LHX8: variants seen among roughly 807,000 people sequenced by gnomAD.
LHX8 encodes LIM/homeobox protein Lhx8.
LHX8 carries 12 observed loss-of-function variants against 40.3 expected under a neutral mutation model. The ratio of observed to expected loss-of-function variants is 0.30; its 90% confidence interval spans 0.19 to 0.48. LHX8 has a LOEUF of 0.48. Ranked by LOEUF, LHX8 falls within the 20% of genes least tolerant of loss-of-function variation. LHX8 has a pLI of 0.99. For synonymous variants in LHX8, 179 were observed against 162.0 expected (o/e 1.10, Z -0.80); for missense variants, 344 against 433.7 (o/e 0.79, Z 1.84).
chr1:75,183,472 T>C, the LHX8 span, among the ~76,000 whole-genome samples: 14 of 148,690 alleles, frequency 9.4e-5, no homozygotes, highest in East Asian at 2.7e-3. Flanking sequence ...AGAGCCTATA[T>C]AATGTTCTTA....
the LHX8 span, among the ~76,000 whole-genome samples, chr1:75,194,257 G>A: frequency 1.3e-5 from 2 of 152,116 alleles, no homozygotes; most frequent in Non-Finnish European, 2.9e-5. Flanking sequence ...CATGATGAGG[G>A]CAGTGGCAGG....
chr1:75,145,811 A>C (rs1202804523), intron 6 of LHX8, among the ~76,000 whole-genome samples: 1 of 152,156 alleles, frequency 6.6e-6, no homozygotes, highest in Admixed American at 6.5e-5. Flanking sequence ...ACATGCATAA[A>C]ATATTTAAGC....
chr1:75,136,317 CG>C (rs1008750543), intron 1 of LHX8, among the ~76,000 whole-genome samples: 1 of 151,882 alleles, frequency 6.6e-6, no homozygotes, highest in Admixed American at 6.6e-5. Context: ...TTATCCCCGG[CG>C]GGGGGGCGGG....
At chr1:75,157,879 A>G (rs1404144431) in intron 8 of LHX8, among the ~76,000 whole-genome samples, 1 of 152,182 alleles carries the variant, frequency 6.6e-6, no homozygotes, top group African/African-American at 2.4e-5. Context: ...ACTTTATTGT[A>G]CATGCTTTTT....
At chr1:75,170,579 G>A in the LHX8 span, among the ~76,000 whole-genome samples, 1 of 152,272 alleles carries the variant, frequency 6.6e-6, no homozygotes, top group East Asian at 1.9e-4. Context: ...ACAAACCAAT[G>A]ACTAAAAAGG....
chr1:75,143,756 A>G, intron 5 of LHX8, 89 bp from the exon 6 acceptor site: 2 of 987,334 alleles, frequency 2.0e-6, no homozygotes, highest in Non-Finnish European at 3.2e-6. Context: ...CAGTTACACA[A>G]AAAGCCAAGA....
At chr1:75,145,679 T>G (rs1648441765) in intron 6 of LHX8, among the ~76,000 whole-genome samples, 1 of 152,122 alleles carries the variant, frequency 6.6e-6, no homozygotes, top group Non-Finnish European at 1.5e-5. Context: ...GGTCTCTTCA[T>G]TTTGCTTGAT....
At chr1:75,190,543 C>A in the LHX8 span, among the ~76,000 whole-genome samples, 2 of 152,132 alleles carry the variant, frequency 1.3e-5, no homozygotes, top group Non-Finnish European at 2.9e-5. Context: ...AATACCATTT[C>A]TCAACCAGAT....
chr1:75,197,886 G>A, the LHX8 span, among the ~76,000 whole-genome samples: 2 of 152,130 alleles, frequency 1.3e-5, no homozygotes, highest in Non-Finnish European at 2.9e-5. Context: ...ATCAAATGAA[G>A]ATCTATGGCC....
intron 8 of LHX8, among the ~76,000 whole-genome samples, chr1:75,158,385 T>C (rs189048295): frequency 2.1e-4 from 32 of 152,350 alleles, no homozygotes; most frequent in Admixed American, 2.1e-3. Context: ...CACAAGTTCC[T>C]AATTTTAATG....
At chr1:75,171,545 C>T in the LHX8 span, among the ~76,000 whole-genome samples, 1 of 152,080 alleles carries the variant, frequency 6.6e-6, no homozygotes, top group South Asian at 2.1e-4. Flanking sequence ...GTTGTTCTCA[C>T]ATGAGAATCA....
At chr1:75,163,834 T>A (rs1254788608), downstream of LHX8, among the ~76,000 whole-genome samples, 1 of 152,204 alleles carries the variant, frequency 6.6e-6, no homozygotes, top group Non-Finnish European at 1.5e-5. Flanking sequence ...AACCAGGTCA[T>A]GAGGGAAGAA....
the LHX8 span, among the ~76,000 whole-genome samples, chr1:75,184,823 T>A: frequency 9.0e-6 from 1 of 111,658 alleles, no homozygotes; most frequent in East Asian, 2.2e-4. Context: ...CAGCAGCTGT[T>A]TTTTTTTTTT....
At chr1:75,147,689 A>AT (rs1459489936) in intron 6 of LHX8, among the ~76,000 whole-genome samples, 1 of 152,248 alleles carries the variant, frequency 6.6e-6, no homozygotes, top group African/African-American at 2.4e-5. Context: ...ATAATAATAC[A>AT]TTTTTTACAT....
At chr1:75,183,324 A>G in the LHX8 span, among the ~76,000 whole-genome samples, 3 of 152,170 alleles carry the variant, frequency 2.0e-5, no homozygotes, top group African/African-American at 4.8e-5. Context: ...ACACATAATC[A>G]TCAGATTTTC....
chr1:75,146,908 TC>T (rs1430212820), intron 6 of LHX8, among the ~76,000 whole-genome samples: 2 of 152,206 alleles, frequency 1.3e-5, no homozygotes, highest in Non-Finnish European at 2.9e-5. Flanking sequence ...GCATGAAGTT[TC>T]TGTTTTGTAA....
chr1:75,137,214 G>A lies in LHX8; in HGVS notation c.190G>A (p.Val64Met). Residue 64 changes from valine (V) to methionine (M), a missense_variant, in exon 3 of 9, where the codon GTG becomes ATG. Physicochemically the swap from Val to Met is conservative, Grantham distance 21. Around this residue, in one of 3 missense-constraint regions of LHX8, gnomAD observed 108 missense variants for 90.1 expected, o/e 1.20. Coordinates refer to ENST00000356261, the MANE Select transcript of LHX8 (RefSeq NM_001256114.2). ...SGSGCPPGKC[V>M]CNSCGLEIVD... is the part of the protein sequence containing the mutation. ...CTCCGGCTGCCCTCCTGGCAAGTGTGTGTGCAACAGTTGCGGCCTGGAGAT... is the reference window on the plus strand; with the variant it reads ...CTCCGGCTGCCCTCCTGGCAAGTGTATGTGCAACAGTTGCGGCCTGGAGAT... 1 of 1,613,648 alleles carries A rather than the reference G, an allele frequency of 6.2e-7. No individual in the cohort carries two copies. The highest frequency in any genetic ancestry group is 8.5e-7 in the Non-Finnish European group (1 of 1,179,988).
At chr1:75,151,826 AT>A (rs1648621574) in intron 7 of LHX8, among the ~76,000 whole-genome samples, 1 of 152,218 alleles carries the variant, frequency 6.6e-6, no homozygotes, top group Non-Finnish European at 1.5e-5. Context: ...AGCTTTTCAT[AT>A]TTGAAGGACT....
At position 75,160,847 on chromosome 1, in the gene LHX8, GCCCTTGTTAC is replaced by G; in HGVS notation, c.997_1006del (p.Leu333IlefsTer3). The G allele has an allele frequency of 6.2e-7, 1 of 1,613,154 alleles. No homozygotes were observed. The highest frequency in any genetic ancestry group is 8.5e-7 in the Non-Finnish European group (1 of 1,179,254). On this transcript the variant is annotated frameshift_variant, in exon 9 of 9. Coordinates refer to ENST00000356261, the MANE Select transcript of LHX8 (RefSeq NM_001256114.2). LOFTEE classifies it high-confidence loss of function. ...ATTCACCAACAACTCTTGGACTCCA[GCCCTTGTTAC>G]CCCATTCAATGACACAACTGCCAAT...
Sources: gnomAD v4.1 joint callset for allele counts (sites outside exome capture counted in the v4.1 genomes callset) on GRCh38, gnomAD v4.1.1 for gene constraint, gnomAD v4.1.1 regional missense constraint, MANE v1.5 for transcripts, NCBI Gene and HGNC (gene_info 2026-07-23, HGNC 2026-07-21) for gene names.